Variants in TNIK observed in about 807,000 individuals in gnomAD.
The protein encoded by TNIK is TRAF2 and NCK interacting kinase, also known as TRAF2 and NCK-interacting protein kinase.
TNIK carries 49 observed loss-of-function variants against 191.3 expected under a neutral mutation model. The observed-to-expected ratio is 0.26, with a 90% CI of 0.20 to 0.32. The LOEUF (loss-of-function observed/expected upper bound fraction) is 0.32. Ranked by LOEUF, TNIK falls within the 10% of genes least tolerant of loss-of-function variation. The pLI is 1.00. For missense variants in TNIK, 1,155 were observed against 1,702.3 expected (o/e 0.68, Z 5.66); for synonymous variants, 594 against 600.9 (o/e 0.99, Z 0.17).
intron 2 of TNIK, among the ~76,000 whole-genome samples, chr3:171,264,675 A>G (rs1677611925): frequency 6.6e-6 from 1 of 152,128 alleles, no homozygotes; most frequent in African/African-American, 2.4e-5. Context: ...CTCAAATTAG[A>G]AATTCTATAA....
At chr3:171,406,246 G>A (rs772558480) in intron 1 of TNIK, among the ~76,000 whole-genome samples, 8 of 152,006 alleles carry the variant, frequency 5.3e-5, no homozygotes, top group Non-Finnish European at 1.2e-4. Context: ...TCGGAATCCT[G>A]TGGCTAGTCC....
At chr3:171,333,094 G>C (rs530991220) in intron 2 of TNIK, among the ~76,000 whole-genome samples, 2 of 152,244 alleles carry the variant, frequency 1.3e-5, no homozygotes, top group African/African-American at 4.8e-5. Context: ...GGCCCCAGTT[G>C]ATGGCCTTCG....
At chr3:171,443,360 G>A (rs549888659) in intron 1 of TNIK, among the ~76,000 whole-genome samples, 4 of 152,066 alleles carry the variant, frequency 2.6e-5, no homozygotes, top group African/African-American at 7.2e-5. Flanking sequence ...TATCTCAAGC[G>A]TTGGAGGAAT....
intron 1 of TNIK, among the ~76,000 whole-genome samples, chr3:171,407,845 A>C (rs1721902722): frequency 6.6e-6 from 1 of 152,210 alleles, no homozygotes; most frequent in Admixed American, 6.5e-5. Context: ...AAGAATCAGA[A>C]GTATCATTTA....
At chr3:171,066,514 C>G in intron 31 of TNIK, 62 bp downstream of exon 31, 7 of 1,276,286 alleles carry the variant, frequency 5.5e-6, no homozygotes, top group African/African-American at 2.0e-5. Flanking sequence ...TTTCACATTT[C>G]TTGATTTTCG....
chr3:171,097,337 G>A (rs55931049), intron 22 of TNIK, among the ~76,000 whole-genome samples: 5 of 152,146 alleles, frequency 3.3e-5, no homozygotes, highest in African/African-American at 1.2e-4. Context: ...TTCTAGTTGA[G>A]AAAGTTGTTT....
At chr3:171,210,402 A>G (rs1740651114) in intron 4 of TNIK, among the ~76,000 whole-genome samples, 1 of 152,228 alleles carries the variant, frequency 6.6e-6, no homozygotes, top group Non-Finnish European at 1.5e-5. Context: ...CACAGCAGCA[A>G]CAGGCTTTGG....
At chr3:171,140,167 G>A (rs963000557) in intron 13 of TNIK, among the ~76,000 whole-genome samples, 14 of 152,228 alleles carry the variant, frequency 9.2e-5, no homozygotes, top group African/African-American at 3.1e-4. Context: ...TGGGAGAATC[G>A]GAAGATCCGG....
intron 1 of TNIK, among the ~76,000 whole-genome samples, chr3:171,416,653 CCTT>C (rs1384507664): frequency 3.3e-5 from 5 of 152,184 alleles, no homozygotes; most frequent in Admixed American, 3.3e-4. Flanking sequence ...TATATCATGT[CCTT>C]CTCCAATCAC....
Position 171,093,840 on chromosome 3 carries a change from T to C in TNIK, c.2720A>G (p.Glu907Gly), listed in dbSNP as rs192746498. 1.2e-6 allele frequency: 2 copies of C among 1,613,250 alleles called. No individual in the cohort carries two copies. Among genetic ancestry groups the C allele is most frequent in the African/African-American group, 2.7e-5 (2 of 74,874 alleles). Reference protein sequence around the residue: ...ISREGTLMIRETSGEKKRSGH... With the variant: ...ISREGTLMIRGTSGEKKRSGH... ...TACACAGTTTTTATACCAACTTACC[T>C]CTCTAATCATCAAGGTTCCTTCTCT... The change falls in exon 23 of 33, where the codon GAG becomes GGG. Residue 907 changes from glutamate (E) to glycine (G), a missense_variant and splice_region_variant. Physicochemically the swap from Glu to Gly is moderately conservative, Grantham distance 98. Around this residue, in one of 3 missense-constraint regions of TNIK, gnomAD observed 735 missense variants for 848.0 expected, o/e 0.87. Coordinates refer to ENST00000436636, the MANE Select transcript of TNIK (RefSeq NM_015028.4).
intron 1 of TNIK, among the ~76,000 whole-genome samples, chr3:171,447,566 G>A (rs973292663): frequency 3.3e-5 from 5 of 152,312 alleles, no homozygotes; most frequent in Non-Finnish European, 4.4e-5. Flanking sequence ...CCAGTCAGTC[G>A]TAAGCTCAGC....
intron 2 of TNIK, chr3:171,347,233 A>AAAG (rs1371121966): frequency 1.3e-6 from 2 of 1,525,742 alleles, no homozygotes; most frequent in African/African-American, 2.8e-5. Flanking sequence ...AAAAAAAAAA[A>AAAG]AAAGAAAAGA....
chr3:171,088,830 T>C (rs774623253), intron 23 of TNIK, among the ~76,000 whole-genome samples: 4 of 152,218 alleles, frequency 2.6e-5, no homozygotes, highest in Admixed American at 6.5e-5. Context: ...TTAGAGCAGA[T>C]CTGATTAAGT....
chr3:171,364,676 T>C (rs1715447750), intron 2 of TNIK, among the ~76,000 whole-genome samples: 1 of 152,098 alleles, frequency 6.6e-6, no homozygotes, highest in African/African-American at 2.4e-5. Flanking sequence ...AGAGTGGCAA[T>C]ACCATAAAAA....
chr3:171,086,031 C>A (rs985093935), intron 24 of TNIK, among the ~76,000 whole-genome samples: 3 of 152,156 alleles, frequency 2.0e-5, no homozygotes, highest in Non-Finnish European at 1.5e-5. Context: ...GAATAAGCTG[C>A]AATGTCAGTC....
At chr3:171,397,649 A>C (rs1250353525) in intron 1 of TNIK, among the ~76,000 whole-genome samples, 1 of 152,220 alleles carries the variant, frequency 6.6e-6, no homozygotes, top group South Asian at 2.1e-4. Context: ...TACCAAAAAA[A>C]TTTACATTTG....
rs539210595 is a variant in TNIK, at chr3:171,446,623, G to T, written c.57+13384C>A. Among the ~76,000 whole-genome samples, 5 of 152,276 alleles carry T rather than the reference G, an allele frequency of 3.3e-5. No homozygotes were observed. The South Asian group carries it at 1.0e-3, about 32-fold the overall frequency. ...GAGCTTTTTACTCTGGTGGTTTCCTGTTCTATCTTCTATTTTCTCCATTAG... is the reference window on the plus strand; with the variant it reads ...GAGCTTTTTACTCTGGTGGTTTCCTTTTCTATCTTCTATTTTCTCCATTAG... On this transcript the variant is annotated intron_variant, in intron 1 of 32. Coordinates refer to ENST00000436636, the MANE Select transcript of TNIK (RefSeq NM_015028.4).
chr3:171,107,648 C>T (rs1401829889), intron 20 of TNIK, among the ~76,000 whole-genome samples: 1 of 152,034 alleles, frequency 6.6e-6, no homozygotes, highest in Non-Finnish European at 1.5e-5. Context: ...GTCCTGGAGG[C>T]ATGAAAAATA....
At chr3:171,174,331 G>A (rs1735709449) in intron 9 of TNIK, among the ~76,000 whole-genome samples, 2 of 152,118 alleles carry the variant, frequency 1.3e-5, no homozygotes. Flanking sequence ...GAAGGATCCT[G>A]TCCCTCATGG....
Sources: allele counts gnomAD v4.1 joint callset (sites outside exome capture counted in the v4.1 genomes callset), GRCh38; gene constraint gnomAD v4.1.1; regional missense constraint gnomAD v4.1.1; transcripts MANE v1.5; gene names NCBI Gene and HGNC (gene_info 2026-07-23, HGNC 2026-07-21).